Variants in KANK1 observed in about 807,000 individuals in gnomAD.
The protein encoded by KANK1 is KN motif and ankyrin repeat domain-containing protein 1.
In KANK1, 109 loss-of-function variants were observed where a neutral mutation model predicts 106.2. That is an observed-to-expected ratio of 1.03 (90% CI 0.88 to 1.20). The LOEUF (loss-of-function observed/expected upper bound fraction) is 1.20, where lower values mean the gene tolerates loss of function less well. KANK1 is among the 50% of genes most tolerant of loss of function. KANK1 has a pLI of 0.00. For missense variants in KANK1, 2,399 were observed against 1,710.7 expected (o/e 1.40, Z -7.10); for synonymous variants, 873 against 652.2 (o/e 1.34, Z -5.16).
chr9:622,298 T>C (rs1833331000), intron 1 of KANK1, among the ~76,000 whole-genome samples: 1 of 152,188 alleles, frequency 6.6e-6, no homozygotes, highest in Non-Finnish European at 1.5e-5. Context: ...AAGCGCTGTG[T>C]GTTGGGGCAC....
intron 1 of KANK1, among the ~76,000 whole-genome samples, chr9:515,170 T>C (rs562340347): frequency 1.8e-4 from 27 of 151,568 alleles, no homozygotes; most frequent in Admixed American, 9.2e-4. Context: ...AGTGAAACCC[T>C]ATCTCTACTA....
At chr9:630,013 T>C (rs888397987) in intron 1 of KANK1, among the ~76,000 whole-genome samples, 5 of 150,890 alleles carry the variant, frequency 3.3e-5, no homozygotes, top group Admixed American at 3.3e-4. Context: ...TTTGGGAGGC[T>C]GAGAAAGGCC....
chr9:525,254 C>G (rs1182586278), intron 1 of KANK1, among the ~76,000 whole-genome samples: 1 of 151,522 alleles, frequency 6.6e-6, no homozygotes, highest in Non-Finnish European at 1.5e-5. Flanking sequence ...CTTGGCCTCC[C>G]AAAGTGCTGG....
At chr9:547,570 G>C (rs1409345194) in intron 1 of KANK1, among the ~76,000 whole-genome samples, 1 of 151,478 alleles carries the variant, frequency 6.6e-6, no homozygotes, top group Non-Finnish European at 1.5e-5. Flanking sequence ...TCTGAGATAG[G>C]CAAGCCTTGG....
At chr9:638,721 T>C (rs944788266) in intron 1 of KANK1, among the ~76,000 whole-genome samples, 1 of 152,212 alleles carries the variant, frequency 6.6e-6, no homozygotes, top group African/African-American at 2.4e-5. Flanking sequence ...GATCTGCCCT[T>C]GAAGAGGCAC....
chr9:627,285 A>G (rs1429281696), intron 1 of KANK1, among the ~76,000 whole-genome samples: 10 of 152,060 alleles, frequency 6.6e-5, no homozygotes, highest in Non-Finnish European at 7.4e-5. Flanking sequence ...TCCCTAAACC[A>G]CAAAGCCTGA....
At chr9:695,154 C>T (rs953276149) in intron 2 of KANK1, among the ~76,000 whole-genome samples, 8 of 152,150 alleles carry the variant, frequency 5.3e-5, no homozygotes, top group African/African-American at 1.7e-4. Context: ...AGTATACCTT[C>T]CCCCAACCTA....
chr9:563,031 C>T (rs986043139), intron 1 of KANK1, among the ~76,000 whole-genome samples: 1 of 152,122 alleles, frequency 6.6e-6, no homozygotes, highest in East Asian at 1.9e-4. Flanking sequence ...ACTCTCACAG[C>T]CAGATTCTGC....
chr9:480,136 A>G (rs1328529924), intron 3 of KANK1, among the ~76,000 whole-genome samples: 3 of 152,242 alleles, frequency 2.0e-5, no homozygotes, highest in African/African-American at 4.8e-5. Flanking sequence ...GCATTCAGGC[A>G]CAAGCTAACT....
chr9:552,857 G>A (rs2061362117), intron 1 of KANK1, among the ~76,000 whole-genome samples: 1 of 152,232 alleles, frequency 6.6e-6, no homozygotes, highest in Non-Finnish European at 1.5e-5. Flanking sequence ...AAATGAACAT[G>A]ATTGTGGCTG....
At chr9:509,920 C>T (rs2058953027) in intron 1 of KANK1, among the ~76,000 whole-genome samples, 1 of 152,108 alleles carries the variant, frequency 6.6e-6, no homozygotes, top group African/African-American at 2.4e-5. Flanking sequence ...CCTCAGCCTG[C>T]CTCCCGAGTA....
At chr9:571,823 T>C (rs886399513) in intron 1 of KANK1, among the ~76,000 whole-genome samples, 7 of 152,220 alleles carry the variant, frequency 4.6e-5, no homozygotes, top group African/African-American at 1.7e-4. Context: ...ACATAGATTA[T>C]TCAGAGAGAG....
intron 1 of KANK1, among the ~76,000 whole-genome samples, chr9:593,762 A>G (rs1013253663): frequency 2.6e-5 from 4 of 151,910 alleles, no homozygotes; most frequent in African/African-American, 9.7e-5. Context: ...CCAAAGGGAC[A>G]GAAGTGAATT....
At chr9:587,516 A>C (rs1293215620) in intron 1 of KANK1, among the ~76,000 whole-genome samples, 3 of 152,206 alleles carry the variant, frequency 2.0e-5, no homozygotes, top group Non-Finnish European at 4.4e-5. Context: ...AACCTAGAAA[A>C]TAGAGAGTTT....
chr9:611,609 C>A (rs561309879), intron 1 of KANK1, among the ~76,000 whole-genome samples: 1 of 152,160 alleles, frequency 6.6e-6, no homozygotes. Context: ...AAATTCAGAA[C>A]CTTTGACACT....
At position 712,658 on chromosome 9, in the gene KANK1, G is replaced by A; in HGVS notation, c.1892G>A (p.Gly631Glu). 1.2e-6 allele frequency: 2 copies of A among 1,614,152 alleles called. No homozygotes were observed. Among genetic ancestry groups the A allele is most frequent in the Non-Finnish European group, 1.7e-6 (2 of 1,180,024 alleles). Residue 631 changes from glycine (G) to glutamate (E), a missense_variant, in exon 3 of 12, where the codon GGA becomes GAA. Coordinates refer to ENST00000382297, the MANE Select transcript of KANK1 (RefSeq NM_015158.5). Reference protein sequence around the residue: ...NLKEVRSIGCGDCSVDVTVCS... With the variant: ...NLKEVRSIGCEDCSVDVTVCS... ...AAAGAAGTGCGGTCTATCGGTTGTG[G>A]AGATTGTTCTGTTGACGTGACCGTC...
chr9:512,608 A>G (rs920030201), intron 1 of KANK1, among the ~76,000 whole-genome samples: 3 of 152,160 alleles, frequency 2.0e-5, no homozygotes, highest in African/African-American at 7.2e-5. Flanking sequence ...TGGAAGCTTC[A>G]TGGCCTTTTA....
chr9:654,212 A>C (rs189521981), intron 1 of KANK1, among the ~76,000 whole-genome samples: 21 of 152,350 alleles, frequency 1.4e-4, no homozygotes, highest in African/African-American at 4.8e-4. Context: ...TGTGGGGCCC[A>C]AGCATTTCTA....
At chr9:470,424 C>G (rs557648758) in intron 1 of KANK1, 6 of 152,622 alleles carry the variant, frequency 3.9e-5, no homozygotes, top group Admixed American at 1.3e-4. Flanking sequence ...TTTCTCAACA[C>G]TGTGAAGCTC....
Sources: gnomAD v4.1 joint callset for allele counts (sites outside exome capture counted in the v4.1 genomes callset) on GRCh38, gnomAD v4.1.1 for gene constraint, MANE v1.5 for transcripts, NCBI Gene and HGNC (gene_info 2026-07-23, HGNC 2026-07-21) for gene names.